Variants in AIG1 observed in about 807,000 individuals in gnomAD.
The protein encoded by AIG1 is androgen induced 1.
A neutral mutation model predicts 31.4 loss-of-function variants in AIG1; 23 were observed. The observed-to-expected ratio is 0.73, with a 90% CI of 0.53 to 1.04. The LOEUF (loss-of-function observed/expected upper bound fraction) is 1.04, where lower values mean the gene tolerates loss of function less well. AIG1 is among the 50% of genes least tolerant of loss of function. AIG1 has a pLI of 0.00. For missense variants in AIG1, 274 were observed against 295.0 expected (o/e 0.93, Z 0.52); for synonymous variants, 100 against 110.5 (o/e 0.90, Z 0.60).
rs931173844 is a variant in AIG1, at chr6:143,297,466, T to C, written c.515+13241T>C. Among the ~76,000 whole-genome samples, 2 of 152,126 alleles carry C rather than the reference T, an allele frequency of 1.3e-5. No homozygotes were observed. Among genetic ancestry groups the C allele is most frequent in the Non-Finnish European group, 2.9e-5 (2 of 68,024 alleles). ...GGTGGTTATTTAGATGATTGGTTGG[T>C]TGGTTGGTTGGTTGGATGGTTTCTT... On this transcript the variant is annotated intron_variant, in intron 4 of 5. Transcript: ENST00000357847. The surrounding 1 kb of genome is among the most constrained non-coding windows in gnomAD (Gnocchi z 5.1).
intron 1 of AIG1, among the ~76,000 whole-genome samples, chr6:143,084,815 A>T (rs188675051): frequency 6.6e-6 from 1 of 152,146 alleles, no homozygotes; most frequent in Non-Finnish European, 1.5e-5. Flanking sequence ...TCTAGCACAC[A>T]AGTTAGTAAA....
At chr6:143,085,595 C>G (rs1778694138) in intron 1 of AIG1, among the ~76,000 whole-genome samples, 1 of 152,142 alleles carries the variant, frequency 6.6e-6, no homozygotes, top group Non-Finnish European at 1.5e-5. Flanking sequence ...AACAACAGTC[C>G]TTATGCAAAT....
intron 4 of AIG1, among the ~76,000 whole-genome samples, chr6:143,301,463 C>T (rs564692658): frequency 3.1e-4 from 47 of 152,148 alleles, no homozygotes; most frequent in African/African-American, 1.0e-3. Context: ...GCCATTCTCA[C>T]GCTGCTATGA....
intron 1 of AIG1, among the ~76,000 whole-genome samples, chr6:143,118,991 AG>A (rs1246078808): frequency 3.3e-5 from 5 of 151,266 alleles, no homozygotes; most frequent in Admixed American, 6.6e-5. Context: ...CTCCTGCTTC[AG>A]GCTCCTGAGT....
intron 3 of AIG1, among the ~76,000 whole-genome samples, chr6:143,208,421 A>G (rs1791298052): frequency 6.6e-6 from 1 of 152,180 alleles, no homozygotes; most frequent in Non-Finnish European, 1.5e-5. Context: ...AATTCAGAAT[A>G]AAATAAATAC....
intron 3 of AIG1, among the ~76,000 whole-genome samples, chr6:143,225,152 G>A (rs1792848366): frequency 6.6e-6 from 1 of 152,132 alleles, no homozygotes; most frequent in South Asian, 2.1e-4. Flanking sequence ...GTCTCTGCCT[G>A]TTCAAATCCA....
chr6:143,153,803 A>G lies in AIG1; in HGVS notation c.298-11279A>G, dbSNP rs1785468187. ...AGTTTCTTCTAGAATGATTAACCAC[A>G]TTTACTCGCCAAAACTTGAGTTCTG... On this transcript the variant is annotated intron_variant, in intron 2 of 5. Coordinates refer to ENST00000357847, the MANE Select transcript of AIG1 (RefSeq NM_016108.4). 3.9e-5 allele frequency among the ~76,000 whole-genome samples: 6 copies of G among 151,960 alleles called. No homozygotes were observed. The South Asian group carries it at 1.2e-3, about 32-fold the overall frequency.
chr6:143,343,631 C>A (rs1371494980), downstream of AIG1, among the ~76,000 whole-genome samples: 1 of 152,144 alleles, frequency 6.6e-6, no homozygotes, highest in Non-Finnish European at 1.5e-5. Flanking sequence ...TTCCTTTTAC[C>A]TTGCAAGGAT....
At position 143,298,858 on chromosome 6, in the gene AIG1, T is replaced by C. The variant is rs1425212825; in HGVS notation, c.515+14633T>C. ...CAAGACAGTCGCTAGCCACAGTATG[T>C]GCACTCAGAAGAAGGGAAATCTTAA... is the stretch of plus-strand genomic sequence containing the variant. On this transcript the variant is annotated intron_variant, in intron 4 of 5. Transcript: ENST00000357847. The surrounding 1 kb of genome is among the most constrained non-coding windows in gnomAD (Gnocchi z 5.1). 6.6e-6 allele frequency: 1 copy of C among 152,276 alleles called. No individual in the cohort carries two copies. The allele number at this position is 152,276 out of a possible 1,614,324, so 9.4% of individuals were successfully genotyped here. A position where few individuals can be genotyped will look rare whatever the true frequency, so the allele number is the denominator to read the frequency against.
At chr6:143,187,793 C>T (rs1363474091) in intron 3 of AIG1, 42 of 1,501,312 alleles carry the variant, frequency 2.8e-5, no homozygotes, top group Non-Finnish European at 3.2e-5. Flanking sequence ...GACCTTGAAG[C>T]GAAGTTTTGC....
chr6:143,237,409 C>A (rs1188741937), intron 3 of AIG1, among the ~76,000 whole-genome samples: 1 of 152,086 alleles, frequency 6.6e-6, no homozygotes, highest in Non-Finnish European at 1.5e-5. Context: ...TTTAATAAAC[C>A]TTTATAAGGA....
chr6:143,342,882 AT>A, downstream of AIG1: 1 of 865,428 alleles, frequency 1.2e-6, no homozygotes, highest in Non-Finnish European at 2.0e-6. Context: ...TGCTGTCAAC[AT>A]TCAATCATTT....
chr6:143,239,281 T>G (rs1794043862), intron 3 of AIG1, among the ~76,000 whole-genome samples: 1 of 152,040 alleles, frequency 6.6e-6, no homozygotes, highest in Admixed American at 6.5e-5. Context: ...AAAAGGGCAA[T>G]CAAGTCCAGT....
Position 143,284,075 on chromosome 6 carries a change from G to C in AIG1, c.400-35G>C. The C allele has an allele frequency of 6.7e-7, 1 of 1,481,664 alleles. No homozygotes were observed. The highest frequency in any genetic ancestry group is 9.4e-7 in the Non-Finnish European group (1 of 1,061,926). 91.8% of individuals were successfully genotyped at this position (1,481,664 alleles called of 1,614,324 possible). On this transcript the variant is annotated intron_variant, in intron 3 of 5. Transcript: ENST00000357847. This position sits in a 1 kb window ranked among gnomAD's most constrained non-coding sequence, Gnocchi z 4.4. ...AAACAACTATAGAGAGACAATGATA[G>C]CAATCTGTGTCACCTAGTCTCTGTT...
rs768368805 is a variant in AIG1, at chr6:143,280,245, G to A, written c.400-3865G>A. Among the ~76,000 whole-genome samples, 49 of 152,148 alleles carry A rather than the reference G, an allele frequency of 3.2e-4. No individual in the cohort carries two copies. Among genetic ancestry groups the A allele is most frequent in the African/African-American group, 1.1e-3 (45 of 41,412 alleles). On this transcript the variant is annotated intron_variant, in intron 3 of 5. Transcript: ENST00000357847. The surrounding 1 kb of genome is among the most constrained non-coding windows in gnomAD (Gnocchi z 4.1). The stretch of plus-strand genomic sequence containing the variant: ...AAGTAACAGATGCTGGTGAGGTTGC[G>A]AAGAAAAGGGAACACTTATACACTG...
intron 1 of AIG1, among the ~76,000 whole-genome samples, chr6:143,113,347 GAA>G (rs1781453650): frequency 6.6e-6 from 1 of 152,146 alleles, no homozygotes; most frequent in Non-Finnish European, 1.5e-5. Context: ...GCTCACACCT[GAA>G]ATCCTGGCAC....
intron 2 of AIG1, among the ~76,000 whole-genome samples, chr6:143,156,949 C>T (rs1785828160): frequency 6.6e-6 from 1 of 152,190 alleles, no homozygotes; most frequent in South Asian, 2.1e-4. Flanking sequence ...ACTGATAGTC[C>T]TATGCACTGG....
chr6:143,194,770 C>T (rs1048871022), intron 3 of AIG1, among the ~76,000 whole-genome samples: 2 of 152,188 alleles, frequency 1.3e-5, no homozygotes, highest in African/African-American at 2.4e-5. Flanking sequence ...CAGCATGCTG[C>T]CTGTCATCAC....
chr6:143,244,551 T>C (rs1437348474), intron 3 of AIG1, among the ~76,000 whole-genome samples: 1 of 152,214 alleles, frequency 6.6e-6, no homozygotes. Context: ...GGGTATGGGC[T>C]TTAATAATGT....
Sources: gnomAD v4.1 joint callset for allele counts (sites outside exome capture counted in the v4.1 genomes callset) on GRCh38, gnomAD v4.1.1 for gene constraint, Gnocchi (gnomAD v3.1) non-coding constraint, MANE v1.5 for transcripts, NCBI Gene and HGNC (gene_info 2026-07-23, HGNC 2026-07-21) for gene names.